The following MFSD8 variants were observed in gnomAD, a reference collection of about 807,000 sequenced individuals.
MFSD8 encodes the protein major facilitator superfamily domain-containing protein 8.
MFSD8 carries 55 observed loss-of-function variants against 66.4 expected under a neutral mutation model. The observed-to-expected ratio is 0.83, with a 90% CI of 0.67 to 1.04. MFSD8 has a LOEUF of 1.04. Ranked by LOEUF, MFSD8 falls within the 50% of genes least tolerant of loss-of-function variation. The probability of loss-of-function intolerance (pLI) is 0.00; values close to 1 mark genes in which losing one functional copy is unlikely to be tolerated. For missense variants in MFSD8, 550 were observed against 627.6 expected (o/e 0.88, Z 1.32); for synonymous variants, 202 against 212.8 (o/e 0.95, Z 0.44).
At chr4:127,959,116 C>T (rs1743338562) in intron 1 of MFSD8, among the ~76,000 whole-genome samples, 2 of 152,326 alleles carry the variant, frequency 1.3e-5, no homozygotes, top group South Asian at 4.1e-4. Flanking sequence ...GTCCTGGCAT[C>T]CTGTACCTTT....
chr4:127,921,817 T>A (rs1421730927), intron 10 of MFSD8, 43 bp downstream of exon 10: 1 of 1,613,594 alleles, frequency 6.2e-7, no homozygotes, highest in Non-Finnish European at 8.5e-7. Context: ...TGATTTTAGA[T>A]AAATAACAGA....
intron 3 of MFSD8, among the ~76,000 whole-genome samples, chr4:127,946,230 T>C (rs1314653917): frequency 2.6e-5 from 4 of 152,166 alleles, no homozygotes; most frequent in Admixed American, 6.6e-5. Context: ...CTGGGCCTGA[T>C]AGCAAGACTC....
At chr4:127,922,322 C>A (rs1228370035) in intron 9 of MFSD8, among the ~76,000 whole-genome samples, 1 of 152,080 alleles carries the variant, frequency 6.6e-6, no homozygotes, top group East Asian at 1.9e-4. Flanking sequence ...TTGAAACACA[C>A]AAAAAGTATT....
Position 127,942,073 on chromosome 4 carries a change from A to G in MFSD8, c.525T>C (p.Cys175=), listed in dbSNP as rs556661896. The change falls in exon 5 of 12, where the codon TGT becomes TGC. Residue 175 remains cysteine, a synonymous_variant. Coordinates refer to ENST00000641686, the MANE Select transcript of MFSD8 (RefSeq NM_001371596.2). ...GACCTAGAATAAAACCTAATGCTTG[A>G]CACATGCTTATGTTTGCCATGGAAC... ...RTSSMANISM[C]QALGFILGPV... 1 of 1,614,002 alleles carries G rather than the reference A, an allele frequency of 6.2e-7. No individual in the cohort carries two copies. The highest frequency in any genetic ancestry group is 1.1e-5 in the South Asian group (1 of 91,088).
At chr4:127,921,052 C>A in intron 11 of MFSD8, 3 of 590,442 alleles carry the variant, frequency 5.1e-6, no homozygotes, top group East Asian at 2.8e-5. Flanking sequence ...AACTTACTGT[C>A]TGCTGAAGCC....
At chr4:127,956,994 T>C (rs191327004) in intron 2 of MFSD8, among the ~76,000 whole-genome samples, 535 of 152,294 alleles carry the variant, frequency 3.5e-3, no homozygotes, top group Non-Finnish European at 6.2e-3. Context: ...TAGTCTTTCT[T>C]TTGTCAGCTT....
At chr4:127,943,529 T>C (rs1740546768) in intron 4 of MFSD8, 2 of 511,500 alleles carry the variant, frequency 3.9e-6, no homozygotes, top group African/African-American at 3.9e-5. Flanking sequence ...TTAAACTGAA[T>C]CTTGAAGGAT....
chr4:127,927,859 T>C (rs1737477909), intron 9 of MFSD8, among the ~76,000 whole-genome samples: 2 of 151,788 alleles, frequency 1.3e-5, no homozygotes, highest in Admixed American at 1.3e-4. Context: ...GCTAATTGTG[T>C]TTGTGTGTGT....
intron 1 of MFSD8, among the ~76,000 whole-genome samples, chr4:127,962,441 C>A (rs912513714): frequency 8.5e-5 from 13 of 152,140 alleles, no homozygotes; most frequent in Non-Finnish European, 1.5e-5. Context: ...GCACTCCAGA[C>A]TAGCCCACAG....
upstream of MFSD8, chr4:127,965,324 G>A: frequency 1.5e-6 from 1 of 687,154 alleles, no homozygotes; most frequent in Admixed American, 2.3e-5. Flanking sequence ...GCGAAAGGAG[G>A]CTGTGTCCTC....
intron 4 of MFSD8, among the ~76,000 whole-genome samples, chr4:127,942,813 GA>G (rs1048063506): frequency 4.6e-5 from 7 of 152,088 alleles, no homozygotes; most frequent in African/African-American, 1.4e-4. Context: ...ATAAGAAACA[GA>G]AAAAAATGCA....
intron 5 of MFSD8, among the ~76,000 whole-genome samples, chr4:127,940,853 A>C (rs1740071348): frequency 6.6e-6 from 1 of 152,112 alleles, no homozygotes; most frequent in African/African-American, 2.4e-5. Flanking sequence ...GAGGACTAAA[A>C]TATTGCACCT....
intron 7 of MFSD8, among the ~76,000 whole-genome samples, chr4:127,934,382 G>GT (rs1234778800): frequency 6.6e-6 from 1 of 152,060 alleles, no homozygotes; most frequent in Non-Finnish European, 1.5e-5. Context: ...GGAGGACAAA[G>GT]TAAGTGTACT....
At position 127,957,521 on chromosome 4, in the gene MFSD8, G is replaced by GT; in HGVS notation, c.133dup (p.Thr45AsnfsTer24). 1 of 1,608,806 alleles carries GT rather than the reference G, an allele frequency of 6.2e-7. No individual in the cohort carries two copies. The highest frequency in any genetic ancestry group is 8.5e-7 in the Non-Finnish European group (1 of 1,175,616). ...CTTACCTACACTGCTGAGAAACATA[G>GT]TAAGATATAAAATCCTAATAGATCT... On this transcript the variant is annotated frameshift_variant, in exon 2 of 12. Transcript: ENST00000641686. LOFTEE classifies it high-confidence loss of function.
rs1392166746 is a variant in MFSD8 at position 127,943,810 on chromosome 4, T to C, written c.381A>G (p.Pro127=). The C allele has an allele frequency of 6.2e-7, 1 of 1,614,078 alleles. No homozygotes were observed. The highest frequency in any genetic ancestry group is 1.7e-5 in the Admixed American group (1 of 60,008). ...GCATGTAGTATTTATTATGAGAAGC[T>C]GGGATGTGGAGATATGCATAGAGGC... ...ANCLYAYLHI[P]ASHNKYYMLV... is the part of the protein sequence containing the mutation. The change falls in exon 4 of 12, where the codon CCA becomes CCG. Residue 127 remains proline, a synonymous_variant. Coordinates refer to ENST00000641686, the MANE Select transcript of MFSD8 (RefSeq NM_001371596.2).
intron 2 of MFSD8, among the ~76,000 whole-genome samples, chr4:127,955,461 A>G (rs1461874603): frequency 6.9e-6 from 1 of 145,512 alleles, no homozygotes; most frequent in Non-Finnish European, 1.5e-5. Flanking sequence ...AATTGCTTGA[A>G]CCCCGCAGGC....
In MFSD8 at chr4:127,955,700, C is replaced by T. The variant is rs541517088; in HGVS notation, c.154+1801G>A. Among the ~76,000 whole-genome samples, 4 of 152,086 alleles carry T rather than the reference C, an allele frequency of 2.6e-5. No individual in the cohort carries two copies. The South Asian group carries it at 6.2e-4, about 24-fold the overall frequency. On this transcript the variant is annotated intron_variant, in intron 2 of 11. Transcript: ENST00000641686. The stretch of plus-strand genomic sequence containing the variant: ...TGCTCTCCCCCTTTCTGCCTGAATG[C>T]AGAGAATAGATTGAATTTTGTTTTG...
chr4:127,925,501 C>CT (rs1195839250), intron 9 of MFSD8, among the ~76,000 whole-genome samples: 5 of 152,182 alleles, frequency 3.3e-5, no homozygotes, highest in African/African-American at 1.2e-4. Context: ...CTCATCATCA[C>CT]TGGTCATTAG....
At chr4:127,960,039 C>T (rs1296225382) in intron 1 of MFSD8, among the ~76,000 whole-genome samples, 1 of 152,186 alleles carries the variant, frequency 6.6e-6, no homozygotes, top group Non-Finnish European at 1.5e-5. Flanking sequence ...ATAATCACTG[C>T]TGCATTCTGG....
Sources: allele counts gnomAD v4.1 joint callset (sites outside exome capture counted in the v4.1 genomes callset), GRCh38; gene constraint gnomAD v4.1.1; transcripts MANE v1.5; gene names NCBI Gene and HGNC (gene_info 2026-07-23, HGNC 2026-07-21).